Variants in NXPH1 observed in about 807,000 individuals in gnomAD.
NXPH1 encodes the protein neurexophilin 1.
In NXPH1, 5 loss-of-function variants were observed where a neutral mutation model predicts 23.7. The ratio of observed to expected loss-of-function variants is 0.21; its 90% CI spans 0.11 to 0.44. The LOEUF (loss-of-function observed/expected upper bound fraction) is 0.44. Ranked by LOEUF, NXPH1 falls within the 20% of genes least tolerant of loss-of-function variation. The pLI is 0.99. For missense variants in NXPH1, 324 were observed against 321.6 expected (o/e 1.01, Z -0.06); for synonymous variants, 144 against 122.2 (o/e 1.18, Z -1.18).
chr7:8,730,552 T>C (rs1386607317), intron 2 of NXPH1, among the ~76,000 whole-genome samples: 1 of 151,962 alleles, frequency 6.6e-6, no homozygotes, highest in Non-Finnish European at 1.5e-5. Flanking sequence ...ACAAAATCTC[T>C]CAGCATTTGC....
chr7:8,680,002 C>T (rs1469530283), intron 2 of NXPH1, among the ~76,000 whole-genome samples: 3 of 152,262 alleles, frequency 2.0e-5, no homozygotes, highest in Non-Finnish European at 4.4e-5. Context: ...GACTGGGCAA[C>T]AGAGCGAGAC....
rs1352228366 is a variant in NXPH1, at chr7:8,751,906, A to T, written c.*137A>T. On this transcript the variant is annotated 3_prime_UTR_variant, in exon 3 of 3. Coordinates refer to ENST00000405863, the MANE Select transcript of NXPH1 (RefSeq NM_152745.3). This position sits in a 1 kb window ranked among gnomAD's most constrained non-coding sequence, Gnocchi z 4.5. The stretch of plus-strand genomic sequence containing the variant: ...CTCTTGTCAACTGGCTGCAAAATAC[A>T]CTAGTGGAAAACACTCTGATGTAAT... 2.6e-6 allele frequency: 2 copies of T among 758,104 alleles called. No homozygotes were observed. The highest frequency in any genetic ancestry group is 4.1e-6 in the Non-Finnish European group (2 of 485,726). 47.0% of individuals were successfully genotyped at this position (758,104 alleles called of 1,614,324 possible). A position where few individuals can be genotyped will look rare whatever the true frequency, so the allele number is the denominator to read the frequency against.
chr7:8,573,800 T>G (rs1818698030), intron 2 of NXPH1, among the ~76,000 whole-genome samples: 1 of 152,154 alleles, frequency 6.6e-6, no homozygotes, highest in Non-Finnish European at 1.5e-5. Context: ...TATCAAAATT[T>G]GAATGTCTGG....
chr7:8,641,756 T>C (rs951809580), intron 2 of NXPH1, among the ~76,000 whole-genome samples: 1 of 152,250 alleles, frequency 6.6e-6, no homozygotes, highest in Non-Finnish European at 1.5e-5. Flanking sequence ...ATTTTGATTA[T>C]GTCCATATTT....
At chr7:8,446,845 G>T (rs560089822) in intron 2 of NXPH1, among the ~76,000 whole-genome samples, 1 of 151,668 alleles carries the variant, frequency 6.6e-6, no homozygotes, top group South Asian at 2.1e-4. Context: ...AAAAATCATG[G>T]TGACATTTTA....
chr7:8,567,841 G>C (rs1480013925), intron 2 of NXPH1, among the ~76,000 whole-genome samples: 1 of 151,778 alleles, frequency 6.6e-6, no homozygotes, highest in Admixed American at 6.6e-5. Flanking sequence ...GATTTCACTG[G>C]ACTAATTTCA....
intron 2 of NXPH1, among the ~76,000 whole-genome samples, chr7:8,565,980 A>C (rs967433693): frequency 1.3e-5 from 2 of 151,836 alleles, no homozygotes; most frequent in Non-Finnish European, 2.9e-5. Flanking sequence ...AAGTGCTGAC[A>C]GTTTCCCTTG....
At chr7:8,490,292 G>T (rs1817227729) in intron 2 of NXPH1, among the ~76,000 whole-genome samples, 1 of 152,038 alleles carries the variant, frequency 6.6e-6, no homozygotes, top group Non-Finnish European at 1.5e-5. Flanking sequence ...TGCATGAATG[G>T]TAATCTAATG....
intron 2 of NXPH1, among the ~76,000 whole-genome samples, chr7:8,699,723 G>A (rs1779591894): frequency 6.6e-6 from 1 of 151,906 alleles, no homozygotes; most frequent in Non-Finnish European, 1.5e-5. Flanking sequence ...CTTCCGTTTG[G>A]GCCACTTTGC....
chr7:8,554,992 G>C (rs1818333865), intron 2 of NXPH1, among the ~76,000 whole-genome samples: 1 of 151,670 alleles, frequency 6.6e-6, no homozygotes, highest in South Asian at 2.1e-4. Context: ...ACACATAGAT[G>C]TCATCTTCTG....
At position 8,722,698 on chromosome 7, in the gene NXPH1, A is replaced by G. The variant is rs1043144556; in HGVS notation, c.55-28310A>G. Among the ~76,000 whole-genome samples the G allele has an allele frequency of 7.9e-5, 12 of 152,310 alleles. No homozygotes were observed. In the East Asian group the frequency reaches 2.3e-3, roughly 29 times the overall value. ...CTTTGAAGCTTTAAAAGCTCTGAAG[A>G]AGACGTTAAATACCAGCTCTCAATA... On this transcript the variant is annotated intron_variant, in intron 2 of 2. Coordinates refer to ENST00000405863, the MANE Select transcript of NXPH1 (RefSeq NM_152745.3).
intron 2 of NXPH1, among the ~76,000 whole-genome samples, chr7:8,447,795 T>C (rs543254792): frequency 7.2e-5 from 11 of 152,360 alleles, no homozygotes; most frequent in East Asian, 3.8e-4. Flanking sequence ...GATTGATGGA[T>C]TCCCCCCCAC....
chr7:8,731,170 G>C (rs1406152345), intron 2 of NXPH1, among the ~76,000 whole-genome samples: 15 of 151,704 alleles, frequency 9.9e-5, no homozygotes, highest in African/African-American at 2.4e-4. Context: ...TGTAGTTCTC[G>C]AGCCTTGGTT....
At chr7:8,514,208 A>G (rs957173953) in intron 2 of NXPH1, among the ~76,000 whole-genome samples, 1 of 152,064 alleles carries the variant, frequency 6.6e-6, no homozygotes, top group African/African-American at 2.4e-5. Flanking sequence ...TTAATCCATA[A>G]CTTACCACAT....
At position 8,735,910 on chromosome 7, in the gene NXPH1, A is replaced by G. The variant is rs181651944; in HGVS notation, c.55-15098A>G. 2.2e-4 allele frequency among the ~76,000 whole-genome samples: 33 copies of G among 152,256 alleles called. No individual in the cohort carries two copies. In the Middle Eastern group the frequency reaches 0.02, roughly 94 times the overall value. On this transcript the variant is annotated intron_variant, in intron 2 of 2. Coordinates refer to ENST00000405863, the MANE Select transcript of NXPH1 (RefSeq NM_152745.3). ...TTTATCCATTTTTTCTAGATCTTCT[A>G]GTTTATTTGCATAGAGTTGTTTATA...
At chr7:8,748,576 G>A (rs1780511241) in intron 2 of NXPH1, among the ~76,000 whole-genome samples, 1 of 152,178 alleles carries the variant, frequency 6.6e-6, no homozygotes, top group African/African-American at 2.4e-5. Context: ...TTCTCCATTG[G>A]TCAGTGTTAT....
At chr7:8,746,311 G>T (rs1780469300) in intron 2 of NXPH1, among the ~76,000 whole-genome samples, 1 of 152,172 alleles carries the variant, frequency 6.6e-6, no homozygotes, top group African/African-American at 2.4e-5. Context: ...GAGGGAATAA[G>T]AATATTTAAG....
intron 2 of NXPH1, among the ~76,000 whole-genome samples, chr7:8,723,940 C>G (rs1356063488): frequency 6.6e-6 from 1 of 152,182 alleles, no homozygotes; most frequent in Non-Finnish European, 1.5e-5. Flanking sequence ...GACATAGACA[C>G]ATGTTGCATT....
At chr7:8,436,440 G>T (rs1044686555) in intron 2 of NXPH1, among the ~76,000 whole-genome samples, 2 of 152,262 alleles carry the variant, frequency 1.3e-5, no homozygotes, top group African/African-American at 2.4e-5. Flanking sequence ...AGGCCTTGTC[G>T]CCAGGGAGAG....
Sources: allele counts gnomAD v4.1 joint callset (sites outside exome capture counted in the v4.1 genomes callset), GRCh38; gene constraint gnomAD v4.1.1; non-coding constraint Gnocchi (gnomAD v3.1); transcripts MANE v1.5; gene names NCBI Gene and HGNC (gene_info 2026-07-23, HGNC 2026-07-21).